RIT2: variants seen among roughly 807,000 people sequenced by gnomAD.
RIT2 encodes the protein GTP-binding protein Rit2.
A neutral mutation model predicts 23.7 loss-of-function variants in RIT2; 24 were observed. The ratio of observed to expected loss-of-function variants is 1.01; its 90% CI spans 0.73 to 1.43. The LOEUF (loss-of-function observed/expected upper bound fraction) is 1.43. Ranked by LOEUF, RIT2 falls within the 40% of genes most tolerant of loss-of-function variation. RIT2 has a pLI of 0.00. For synonymous variants in RIT2, 107 were observed against 91.1 expected (o/e 1.17, Z -0.99); for missense variants, 236 against 266.9 (o/e 0.88, Z 0.81).
intron 4 of RIT2, among the ~76,000 whole-genome samples, chr18:42,807,233 C>T (rs539722755): frequency 1.1e-4 from 17 of 152,188 alleles, no homozygotes; most frequent in African/African-American, 3.9e-4. Context: ...CCTTAGACTC[C>T]TCTGTTTTCT....
chr18:43,097,535 G>A lies in RIT2; in HGVS notation c.103+17882C>T, dbSNP rs80347600. Among the ~76,000 whole-genome samples the A allele has an allele frequency of 3.7e-3, 564 of 151,996 alleles. 17 individuals are homozygous for A. The East Asian group carries it at 0.096, about 26-fold the overall frequency. ...AAGATTCCAGAAAGCTATTGGAAAAGAGTAGGATATCTTATGCAAAAGTTA... is the reference window on the plus strand; with the variant it reads ...AAGATTCCAGAAAGCTATTGGAAAAAAGTAGGATATCTTATGCAAAAGTTA... On this transcript the variant is annotated intron_variant, in intron 1 of 4. Transcript: ENST00000326695.
chr18:43,050,001 T>TTTTTTTTTTA (rs1912339583), intron 1 of RIT2, among the ~76,000 whole-genome samples: 2 of 92,758 alleles, frequency 2.2e-5, no homozygotes, highest in Non-Finnish European at 4.5e-5. Flanking sequence ...TTTTTTTTTT[T>TTTTTTTTTTA]AATGAACGAG....
chr18:42,867,026 T>C (rs1907489885), intron 4 of RIT2, among the ~76,000 whole-genome samples: 1 of 152,188 alleles, frequency 6.6e-6, no homozygotes, highest in Non-Finnish European at 1.5e-5. Flanking sequence ...ATCAGCAACA[T>C]TGAGCCATCA....
chr18:43,021,078 C>T (rs1045263189), intron 2 of RIT2, among the ~76,000 whole-genome samples: 10 of 152,006 alleles, frequency 6.6e-5, no homozygotes, highest in African/African-American at 1.9e-4. Context: ...AAGAGACAAC[C>T]TGTTGAATGG....
At chr18:42,839,126 A>G (rs1906696135) in intron 4 of RIT2, among the ~76,000 whole-genome samples, 1 of 152,204 alleles carries the variant, frequency 6.6e-6, no homozygotes, top group African/African-American at 2.4e-5. Context: ...TGAGAAGAGC[A>G]AAATCCCCAT....
chr18:42,927,933 G>A (rs183198597), intron 3 of RIT2, among the ~76,000 whole-genome samples: 1 of 152,026 alleles, frequency 6.6e-6, no homozygotes, highest in Non-Finnish European at 1.5e-5. Flanking sequence ...GCAGGTATTA[G>A]AAAATGTAGG....
intron 4 of RIT2, among the ~76,000 whole-genome samples, chr18:42,858,064 C>T (rs1329087941): frequency 6.6e-6 from 1 of 152,064 alleles, no homozygotes; most frequent in Non-Finnish European, 1.5e-5. Context: ...GCCTGTAATC[C>T]CAGCTACTCA....
chr18:42,888,604 G>A (rs1461833583), intron 4 of RIT2, among the ~76,000 whole-genome samples: 2 of 151,562 alleles, frequency 1.3e-5, no homozygotes, highest in Non-Finnish European at 2.9e-5. Flanking sequence ...AAAGACACAT[G>A]CACTCATATA....
At chr18:43,068,380 T>G (rs1204953644) in intron 1 of RIT2, among the ~76,000 whole-genome samples, 1 of 152,176 alleles carries the variant, frequency 6.6e-6, no homozygotes, top group African/African-American at 2.4e-5. Context: ...GCTAACCATC[T>G]GAAACATATG....
intron 4 of RIT2, among the ~76,000 whole-genome samples, chr18:42,916,211 G>T (rs1005696412): frequency 2.0e-5 from 3 of 152,022 alleles, no homozygotes; most frequent in Non-Finnish European, 2.9e-5. Flanking sequence ...AAGATCACAG[G>T]TGGTACTGTC....
chr18:43,022,372 A>C (rs1165637909), intron 2 of RIT2, among the ~76,000 whole-genome samples: 1 of 152,104 alleles, frequency 6.6e-6, no homozygotes, highest in East Asian at 1.9e-4. Flanking sequence ...CTGAAGGAAT[A>C]AGTTCTAATG....
intron 3 of RIT2, among the ~76,000 whole-genome samples, chr18:42,926,634 A>G (rs1201516637): frequency 6.6e-6 from 1 of 151,964 alleles, no homozygotes; most frequent in Non-Finnish European, 1.5e-5. Context: ...ATATTGGATG[A>G]TTGAATAAAT....
At chr18:43,099,419 A>T (rs1392698780) in intron 1 of RIT2, among the ~76,000 whole-genome samples, 1 of 152,066 alleles carries the variant, frequency 6.6e-6, no homozygotes, top group Non-Finnish European at 1.5e-5. Context: ...TGTATATATT[A>T]ATGTATTTCT....
chr18:42,869,558 G>A (rs1377342591), intron 4 of RIT2, among the ~76,000 whole-genome samples: 3 of 152,072 alleles, frequency 2.0e-5, no homozygotes, highest in East Asian at 1.9e-4. Context: ...TTATCATCTC[G>A]TCATACATTT....
intron 4 of RIT2, among the ~76,000 whole-genome samples, chr18:42,868,039 T>C (rs899698619): frequency 2.0e-5 from 3 of 152,170 alleles, no homozygotes; most frequent in Non-Finnish European, 4.4e-5. Flanking sequence ...ATCAGTAAGT[T>C]TGGAAGTTGA....
intron 2 of RIT2, among the ~76,000 whole-genome samples, chr18:43,018,733 G>A (rs1387226245): frequency 1.3e-5 from 2 of 152,000 alleles, no homozygotes; most frequent in Admixed American, 1.3e-4. Flanking sequence ...AAGGACAAAT[G>A]CAGTCTTTTC....
At chr18:42,782,156 A>G (rs1913824681) in intron 4 of RIT2, among the ~76,000 whole-genome samples, 1 of 152,148 alleles carries the variant, frequency 6.6e-6, no homozygotes, top group Non-Finnish European at 1.5e-5. Context: ...AGTCTGGAAG[A>G]CAGCTATTTA....
At chr18:43,057,271 A>T (rs28390157) in intron 1 of RIT2, among the ~76,000 whole-genome samples, 1 of 152,052 alleles carries the variant, frequency 6.6e-6, no homozygotes, top group African/African-American at 2.4e-5. Flanking sequence ...CTTTGATACC[A>T]CAATCTTACT....
chr18:43,051,468 G>C (rs533101417), intron 1 of RIT2, among the ~76,000 whole-genome samples: 2 of 152,166 alleles, frequency 1.3e-5, no homozygotes, highest in South Asian at 2.1e-4. Flanking sequence ...AATAGTAACA[G>C]GTTGAACAAG....
Sources: allele counts gnomAD v4.1 joint callset (sites outside exome capture counted in the v4.1 genomes callset), GRCh38; gene constraint gnomAD v4.1.1; transcripts MANE v1.5; gene names NCBI Gene and HGNC (gene_info 2026-07-23, HGNC 2026-07-21).